CAST: variants seen among roughly 807,000 people sequenced by gnomAD.
The protein encoded by CAST is calpastatin.
Under a neutral mutation model 119.6 loss-of-function variants are expected in CAST, and 76 were observed. The observed-to-expected ratio is 0.64, with a 90% CI of 0.53 to 0.77. CAST has a LOEUF of 0.77. Among genes scored for constraint, CAST ranks in the 30% least tolerant of loss-of-function variants. The pLI, the probability that CAST is intolerant of heterozygous loss-of-function variation, is 0.00. For synonymous variants in CAST, 319 were observed against 331.6 expected (o/e 0.96, Z 0.41); for missense variants, 953 against 946.5 (o/e 1.01, Z -0.09).
intron 9 of CAST, 54 bp downstream of exon 9, chr5:96,730,914 T>G: frequency 7.6e-7 from 1 of 1,318,840 alleles, no homozygotes; most frequent in Admixed American, 1.7e-5. Flanking sequence ...TCAAGTTTCT[T>G]TTATGAGAAA....
At chr5:96,230,727 C>A in the CAST span, among the ~76,000 whole-genome samples, 1 of 151,948 alleles carries the variant, frequency 6.6e-6, no homozygotes, top group Admixed American at 6.6e-5. Flanking sequence ...GACTGGGAGA[C>A]AATATTTGTA....
At chr5:96,171,519 G>A in the CAST span, among the ~76,000 whole-genome samples, 5 of 152,200 alleles carry the variant, frequency 3.3e-5, no homozygotes, top group Admixed American at 2.0e-4. Flanking sequence ...CAAGGCAGGC[G>A]TCCCGGCGGT....
chr5:96,331,674 T>C, the CAST span, among the ~76,000 whole-genome samples: 2 of 152,218 alleles, frequency 1.3e-5, no homozygotes, highest in African/African-American at 4.8e-5. Flanking sequence ...ACTAGCTGAA[T>C]CAAAGGTCAG....
chr5:96,768,077 A>AT, intron 29 of CAST, 78 bp downstream of exon 29: 1 of 943,902 alleles, frequency 1.1e-6, no homozygotes, highest in Non-Finnish European at 1.7e-6. Context: ...TTATTTATTG[A>AT]TTGATCTATC....
At chr5:96,476,759 G>T in the CAST span, among the ~76,000 whole-genome samples, 1 of 151,992 alleles carries the variant, frequency 6.6e-6, no homozygotes, top group Non-Finnish European at 1.5e-5. Context: ...AGAGAATTAT[G>T]AAATTTGAGA....
the CAST span, among the ~76,000 whole-genome samples, chr5:96,341,860 G>C: frequency 6.6e-6 from 1 of 152,208 alleles, no homozygotes; most frequent in African/African-American, 2.4e-5. Context: ...TCTCTAGACA[G>C]TATGATGAGT....
At chr5:96,188,048 C>T in the CAST span, among the ~76,000 whole-genome samples, 1 of 152,202 alleles carries the variant, frequency 6.6e-6, no homozygotes, top group Non-Finnish European at 1.5e-5. Context: ...GGGACTGCCA[C>T]ATTCTCCCAC....
the CAST span, among the ~76,000 whole-genome samples, chr5:96,421,517 T>TA: frequency 6.6e-6 from 1 of 152,200 alleles, no homozygotes; most frequent in African/African-American, 2.4e-5. Context: ...TTTTCATGAC[T>TA]AACATAAAGC....
At chr5:96,609,055 A>C (rs1323066048) in intron 1 of CAST, among the ~76,000 whole-genome samples, 9 of 152,224 alleles carry the variant, frequency 5.9e-5, no homozygotes, top group Non-Finnish European at 1.3e-4. Flanking sequence ...TTCTGCAAGG[A>C]CATCTACCCA....
At chr5:96,042,484 G>T in the CAST span, among the ~76,000 whole-genome samples, 1 of 152,140 alleles carries the variant, frequency 6.6e-6, no homozygotes, top group East Asian at 1.9e-4. Context: ...GAATAAACTT[G>T]CAAGGAGTAA....
chr5:96,697,443 GAGA>G, intron 3 of CAST, among the ~76,000 whole-genome samples: 1 of 152,274 alleles, frequency 6.6e-6, no homozygotes, highest in African/African-American at 2.4e-5. Context: ...ATAATCAGCT[GAGA>G]AGCTCTAACG....
chr5:96,740,122 A>C lies in CAST; in HGVS notation c.879+4A>C, dbSNP rs976302976. The stretch of plus-strand genomic sequence containing the variant: ...AAAATATAGGGAACTATTGGCTGTA[A>C]GTTAAATAATCATTTACTTTTATTT... On this transcript the variant is annotated splice_donor_region_variant and intron_variant, in intron 12 of 31. Transcript: ENST00000675179. 5 of 1,304,008 alleles carry C rather than the reference A, an allele frequency of 3.8e-6. No homozygotes were observed. Among genetic ancestry groups the C allele is most frequent in the Non-Finnish European group, 4.4e-6 (4 of 917,940 alleles). The allele number at this position is 1,304,008 out of a possible 1,614,324, so 80.8% of individuals were successfully genotyped here. A position where few individuals can be genotyped will look rare whatever the true frequency, so the allele number is the denominator to read the frequency against.
chr5:96,135,150 C>T, the CAST span, among the ~76,000 whole-genome samples: 2 of 152,110 alleles, frequency 1.3e-5, no homozygotes, highest in South Asian at 2.1e-4. Flanking sequence ...TGCATTCAAT[C>T]CTCAAAGCTA....
At position 96,554,602 on chromosome 5, in the gene CAST, A is replaced by T. The variant is rs191451919; in HGVS notation, c.60+24722A>T. Among the ~76,000 whole-genome samples, 117 of 152,338 alleles carry T rather than the reference A, an allele frequency of 7.7e-4. 1 individual carries two copies. Among genetic ancestry groups the T allele is most frequent in the African/African-American group, 2.7e-3 (111 of 41,584 alleles). On this transcript the variant is annotated intron_variant, in intron 1 of 11. Transcript: ENST00000505143. ...CTTCTGCACAGCAAAAGAAACTATC[A>T]TCAGAGTGAACAGGCAACCTACAGA...
chr5:96,340,524 G>A, the CAST span, among the ~76,000 whole-genome samples: 122 of 152,232 alleles, frequency 8.0e-4, no homozygotes, highest in Non-Finnish European at 1.3e-3. Context: ...TCAGCTTGTT[G>A]GCTCCTAATA....
the CAST span, among the ~76,000 whole-genome samples, chr5:96,248,442 G>C: frequency 6.6e-6 from 1 of 152,134 alleles, no homozygotes; most frequent in Admixed American, 6.5e-5. Context: ...TGTGTTTAAA[G>C]GCAGTAATTT....
the CAST span, among the ~76,000 whole-genome samples, chr5:96,064,147 G>A: frequency 6.6e-6 from 1 of 152,084 alleles, no homozygotes; most frequent in South Asian, 2.1e-4. Flanking sequence ...TGTTTTATTG[G>A]CCATGAGAAC....
the CAST span, among the ~76,000 whole-genome samples, chr5:96,082,190 G>C: frequency 1.3e-5 from 2 of 152,194 alleles, no homozygotes; most frequent in East Asian, 3.8e-4. Flanking sequence ...GGGATTACAG[G>C]TGTGAGCCAC....
At chr5:96,210,325 T>G in the CAST span, 1 of 152,184 alleles carries the variant, frequency 6.6e-6, no homozygotes, top group Non-Finnish European at 1.5e-5. Flanking sequence ...TACACTTTAG[T>G]CTGCAATCCA....
Sources: gnomAD v4.1 joint callset for allele counts (sites outside exome capture counted in the v4.1 genomes callset) on GRCh38, gnomAD v4.1.1 for gene constraint, MANE v1.5 for transcripts, NCBI Gene and HGNC (gene_info 2026-07-23, HGNC 2026-07-21) for gene names.